PRR16: variants seen among roughly 807,000 people sequenced by gnomAD.
PRR16 encodes the protein proline rich 16.
PRR16 carries 6 observed loss-of-function variants against 18.2 expected under a neutral mutation model. The ratio of observed to expected loss-of-function variants is 0.33; its 90% CI spans 0.18 to 0.65. The LOEUF (loss-of-function observed/expected upper bound fraction) is 0.65. PRR16 is among the 30% of genes least tolerant of loss of function. The pLI is 0.74. For missense variants in PRR16, 412 were observed against 376.6 expected, an observed-to-expected ratio of 1.09 and a Z score of -0.78; for synonymous variants, 151 against 147.8, an observed-to-expected ratio of 1.02 and a Z score of -0.16.
the PRR16 span, among the ~76,000 whole-genome samples, chr5:120,757,196 A>G: frequency 2.0e-5 from 3 of 151,956 alleles, no homozygotes; most frequent in African/African-American, 7.3e-5. Context: ...TTGTACCACT[A>G]CCATGATGTT....
chr5:120,706,531 C>T, the PRR16 span, among the ~76,000 whole-genome samples: 1 of 152,136 alleles, frequency 6.6e-6, no homozygotes, highest in African/African-American at 2.4e-5. Context: ...CACCACTATA[C>T]CTGATCTTTG....
chr5:120,710,415 C>G, the PRR16 span, among the ~76,000 whole-genome samples: 1 of 152,232 alleles, frequency 6.6e-6, no homozygotes, highest in East Asian at 1.9e-4. Flanking sequence ...GTGGAAAAAA[C>G]ATAGTCATTA....
chr5:120,748,127 G>A, the PRR16 span, among the ~76,000 whole-genome samples: 1 of 151,988 alleles, frequency 6.6e-6, no homozygotes, highest in Non-Finnish European at 1.5e-5. Context: ...GGATAGATGG[G>A]ATTTTTAATA....
chr5:120,741,433 C>G, the PRR16 span, among the ~76,000 whole-genome samples: 3 of 152,070 alleles, frequency 2.0e-5, no homozygotes, highest in Non-Finnish European at 4.4e-5. Flanking sequence ...TTTATTTCAT[C>G]TTTTTTCATT....
the PRR16 span, among the ~76,000 whole-genome samples, chr5:120,785,589 T>TTTTTTTTTTTTTTG: frequency 6.9e-6 from 1 of 144,100 alleles, no homozygotes; most frequent in Non-Finnish European, 1.5e-5. Context: ...TTTTTTTTTT[T>TTTTTTTTTTTTTTG]TGAGACAGAG....
intron 1 of PRR16, among the ~76,000 whole-genome samples, chr5:120,585,650 C>G (rs995776461): frequency 1.3e-5 from 2 of 150,788 alleles, no homozygotes; most frequent in African/African-American, 4.9e-5. Context: ...TCACACTACC[C>G]CACTCCTTTG....
At chr5:120,655,980 C>G (rs1187775364) in intron 1 of PRR16, among the ~76,000 whole-genome samples, 6 of 151,736 alleles carry the variant, frequency 4.0e-5, no homozygotes, top group Non-Finnish European at 2.9e-5. Flanking sequence ...TGAACCGAGC[C>G]TTTTACCTGT....
chr5:120,773,708 G>A, the PRR16 span, among the ~76,000 whole-genome samples: 1 of 151,992 alleles, frequency 6.6e-6, no homozygotes, highest in Non-Finnish European at 1.5e-5. Flanking sequence ...GAGTTGGAGA[G>A]GGAATGTCCA....
chr5:120,502,710 G>A (rs969828412), intron 1 of PRR16, among the ~76,000 whole-genome samples: 1 of 152,120 alleles, frequency 6.6e-6, no homozygotes, highest in Non-Finnish European at 1.5e-5. Context: ...GTCGAAGCAT[G>A]TGACCTTGCC....
intron 1 of PRR16, among the ~76,000 whole-genome samples, chr5:120,609,356 C>T (rs1371374256): frequency 6.6e-6 from 1 of 151,990 alleles, no homozygotes; most frequent in Non-Finnish European, 1.5e-5. Flanking sequence ...TAAATAAGGA[C>T]TCCCCACTTC....
chr5:120,467,954 A>G (rs1429377549), intron 1 of PRR16, among the ~76,000 whole-genome samples: 2 of 152,278 alleles, frequency 1.3e-5, no homozygotes, highest in Middle Eastern at 3.4e-3. Flanking sequence ...ACCAAGATGA[A>G]TAAGGCATAG....
chr5:120,516,216 G>C (rs1258530389), intron 1 of PRR16, among the ~76,000 whole-genome samples: 1 of 152,036 alleles, frequency 6.6e-6, no homozygotes, highest in South Asian at 2.1e-4. Context: ...TTGAGGTCAG[G>C]AGTTCGAGAC....
At chr5:120,747,296 G>A in the PRR16 span, among the ~76,000 whole-genome samples, 2 of 152,106 alleles carry the variant, frequency 1.3e-5, no homozygotes, top group Non-Finnish European at 2.9e-5. Context: ...ATTTACCTAG[G>A]CATGCTTCAT....
the PRR16 span, among the ~76,000 whole-genome samples, chr5:120,733,216 G>T: frequency 6.6e-6 from 1 of 151,968 alleles, no homozygotes; most frequent in Non-Finnish European, 1.5e-5. Flanking sequence ...CTCAATTATA[G>T]CTCACCGCAG....
intron 1 of PRR16, among the ~76,000 whole-genome samples, chr5:120,482,485 A>G (rs967875021): frequency 6.6e-5 from 10 of 152,186 alleles, no homozygotes; most frequent in African/African-American, 2.4e-5. Flanking sequence ...ACTGTATAGT[A>G]TTCCATGGTG....
chr5:120,533,412 A>T (rs1343975213), intron 1 of PRR16, among the ~76,000 whole-genome samples: 1 of 152,188 alleles, frequency 6.6e-6, no homozygotes, highest in African/African-American at 2.4e-5. Context: ...TCTGTAAATT[A>T]TATTGCATTT....
chr5:120,757,535 C>A, the PRR16 span, among the ~76,000 whole-genome samples: 1 of 151,616 alleles, frequency 6.6e-6, no homozygotes, highest in African/African-American at 2.4e-5. Context: ...CTTTCTTTTT[C>A]TTTTGCTATA....
chr5:120,624,779 G>A (rs1474183074), intron 1 of PRR16, among the ~76,000 whole-genome samples: 1 of 152,136 alleles, frequency 6.6e-6, no homozygotes, highest in African/African-American at 2.4e-5. Context: ...CCACTCAAAT[G>A]TCATCTTGTA....
chr5:120,670,323 A>G (rs1452206231), intron 1 of PRR16, among the ~76,000 whole-genome samples: 1 of 152,142 alleles, frequency 6.6e-6, no homozygotes, highest in African/African-American at 2.4e-5. Context: ...TAAAGAAAAA[A>G]AGTGAATGTT....
Sources: gnomAD v4.1 joint callset for allele counts (sites outside exome capture counted in the v4.1 genomes callset) on GRCh38, gnomAD v4.1.1 for gene constraint, MANE v1.5 for transcripts, NCBI Gene and HGNC (gene_info 2026-07-23, HGNC 2026-07-21) for gene names.